Variants in MAP3K5 observed in about 807,000 individuals in gnomAD.
MAP3K5 encodes mitogen-activated protein kinase kinase kinase 5, also known as ASK-1.
MAP3K5 carries 56 observed loss-of-function variants against 158.7 expected under a neutral mutation model. That is an observed-to-expected ratio of 0.35 (90% CI 0.28 to 0.44). MAP3K5 has a LOEUF of 0.44. Among genes scored for constraint, MAP3K5 ranks in the 20% least tolerant of loss-of-function variants. MAP3K5 has a pLI of 1.00. For missense variants in MAP3K5, 1,294 were observed against 1,674.8 expected, an observed-to-expected ratio of 0.77 and a Z score of 3.97; for synonymous variants, 579 against 601.7, an observed-to-expected ratio of 0.96 and a Z score of 0.55.
chr6:136,724,523 C>T (rs533480651), intron 1 of MAP3K5, among the ~76,000 whole-genome samples: 1 of 152,236 alleles, frequency 6.6e-6, no homozygotes, highest in East Asian at 1.9e-4. Context: ...GCTGGGATAA[C>T]AAGCATGAGC....
chr6:136,669,949 G>A (rs555782060), intron 7 of MAP3K5, among the ~76,000 whole-genome samples: 111 of 149,724 alleles, frequency 7.4e-4, no homozygotes, highest in African/African-American at 2.4e-3. Flanking sequence ...TGAGAACCCC[G>A]CACATATTTT....
chr6:136,788,510 A>T (rs1234996525), intron 1 of MAP3K5, among the ~76,000 whole-genome samples: 1 of 152,170 alleles, frequency 6.6e-6, no homozygotes, highest in Non-Finnish European at 1.5e-5. Flanking sequence ...GGGAGAAAAT[A>T]TTCACAAACT....
At chr6:136,739,266 G>C (rs1206276856) in intron 1 of MAP3K5, among the ~76,000 whole-genome samples, 2 of 152,100 alleles carry the variant, frequency 1.3e-5, no homozygotes, top group Admixed American at 1.3e-4. Context: ...CTATGCCTGG[G>C]GTGTAGCTGG....
intron 7 of MAP3K5, among the ~76,000 whole-genome samples, chr6:136,684,028 T>A (rs888072832): frequency 6.6e-6 from 1 of 151,974 alleles, no homozygotes; most frequent in Non-Finnish European, 1.5e-5. Flanking sequence ...CTCCAGGTAT[T>A]TGAGACTAGC....
At chr6:136,622,797 C>T in intron 15 of MAP3K5, 51 bp downstream of exon 15, 1 of 1,581,016 alleles carries the variant, frequency 6.3e-7, no homozygotes, top group Non-Finnish European at 8.6e-7. Flanking sequence ...AAAATACTGT[C>T]AACAACCCAA....
Position 136,648,179 on chromosome 6 carries a change from T to C in MAP3K5, c.1788+2805A>G, listed in dbSNP as rs78649145. On this transcript the variant is annotated intron_variant, in intron 11 of 29. Transcript: ENST00000359015. ...TGGCAAGGAAGTTTTCTGTTATGAA[T>C]AAATTAGTATCACAAGTAACTTTTT... is the stretch of plus-strand genomic sequence containing the variant. 3.2e-4 allele frequency among the ~76,000 whole-genome samples: 49 copies of C among 152,324 alleles called. 1 individual carries two copies. The East Asian group carries it at 9.3e-3, about 29-fold the overall frequency.
rs114739270 is a variant in MAP3K5, at chr6:136,595,302, G to A, written c.2879-2688C>T. ...CTGGCTAATTTTTGTATAGGGTTTC[G>A]CCATGTCGGCCAGGCTGGTCTCAAA... On this transcript the variant is annotated intron_variant, in intron 21 of 29. Coordinates refer to ENST00000359015, the MANE Select transcript of MAP3K5 (RefSeq NM_005923.4). Among the ~76,000 whole-genome samples the A allele has an allele frequency of 7.7e-3, 1,174 of 152,150 alleles. 16 individuals are homozygous for A. The highest frequency in any genetic ancestry group is 0.027 in the African/African-American group (1,131 of 41,494).
chr6:136,758,396 G>A (rs943156689), intron 1 of MAP3K5, among the ~76,000 whole-genome samples: 5 of 152,162 alleles, frequency 3.3e-5, no homozygotes, highest in African/African-American at 1.2e-4. Context: ...AAAACTGAAC[G>A]AAAATGACAA....
intron 14 of MAP3K5, among the ~76,000 whole-genome samples, chr6:136,636,442 G>A (rs1777640820): frequency 6.6e-6 from 1 of 152,206 alleles, no homozygotes; most frequent in Admixed American, 6.5e-5. Context: ...TAAGTCACTT[G>A]GATTCAGAGT....
intron 7 of MAP3K5, among the ~76,000 whole-genome samples, chr6:136,690,732 C>T (rs1412283300): frequency 6.6e-6 from 1 of 152,040 alleles, no homozygotes. Flanking sequence ...TGGTTACATG[C>T]ATTGTTCCCT....
At chr6:136,780,365 A>G (rs1422914064) in intron 1 of MAP3K5, among the ~76,000 whole-genome samples, 3 of 152,190 alleles carry the variant, frequency 2.0e-5, no homozygotes, top group Non-Finnish European at 1.5e-5. Context: ...ATATTAACCA[A>G]CTTTGCATCT....
intron 7 of MAP3K5, among the ~76,000 whole-genome samples, chr6:136,674,139 C>A (rs1420470554): frequency 1.3e-5 from 2 of 151,310 alleles, no homozygotes; most frequent in East Asian, 1.9e-4. Context: ...AAAAAAAAGT[C>A]TAAAAAAGAT....
At position 136,557,568 on chromosome 6, in the gene MAP3K5, A is replaced by G. The variant is rs1830304667; in HGVS notation, c.*190T>C. 2 of 534,392 alleles carry G rather than the reference A, an allele frequency of 3.7e-6. No individual in the cohort carries two copies. The highest frequency in any genetic ancestry group is 5.6e-4 in the Middle Eastern group (2 of 3,584). The allele number at this position is 534,392 out of a possible 1,614,324, so 33.1% of individuals were successfully genotyped here. A position where few individuals can be genotyped will look rare whatever the true frequency, so the allele number is the denominator to read the frequency against. On this transcript the variant is annotated 3_prime_UTR_variant, in exon 30 of 30. Coordinates refer to ENST00000359015, the MANE Select transcript of MAP3K5 (RefSeq NM_005923.4). ...GAGTCCTTATGAAGAGTCCTTAAAAATTATAGAAATAGATGTAGTTAGGAA... is the reference window on the plus strand; with the variant it reads ...GAGTCCTTATGAAGAGTCCTTAAAAGTTATAGAAATAGATGTAGTTAGGAA...
chr6:136,593,451 G>A lies in MAP3K5; in HGVS notation c.2879-837C>T, dbSNP rs1583237420. ...ATCATGCTTGGGTGAGTTGCCACTC[G>A]GGCCCACCATCCATTGCCCAAGCCT... On this transcript the variant is annotated intron_variant, in intron 21 of 29. Coordinates refer to ENST00000359015, the MANE Select transcript of MAP3K5 (RefSeq NM_005923.4). Among the ~76,000 whole-genome samples the A allele has an allele frequency of 2.0e-5, 3 of 152,242 alleles. No homozygotes were observed. In the South Asian group the frequency reaches 6.2e-4, roughly 32 times the overall value.
intron 8 of MAP3K5, among the ~76,000 whole-genome samples, chr6:136,667,821 G>T (rs1339328195): frequency 6.6e-6 from 1 of 151,102 alleles, no homozygotes; most frequent in Admixed American, 6.6e-5. Flanking sequence ...ATTGTGCCCT[G>T]AGCAGCAGAG....
At chr6:136,594,010 T>C (rs1372190319) in intron 21 of MAP3K5, among the ~76,000 whole-genome samples, 52 of 152,178 alleles carry the variant, frequency 3.4e-4, no homozygotes. Context: ...TACTGGTCAG[T>C]AACTGGAAAG....
chr6:136,558,769 T>C (rs762982439), intron 29 of MAP3K5, 31 bp downstream of exon 29: 3 of 1,386,920 alleles, frequency 2.2e-6, no homozygotes, highest in Non-Finnish European at 2.0e-6. Context: ...TGGTGCTCTT[T>C]CCATAGTGAC....
chr6:136,692,152 G>A (rs1256186330), intron 7 of MAP3K5, among the ~76,000 whole-genome samples: 2 of 150,884 alleles, frequency 1.3e-5, no homozygotes, highest in African/African-American at 2.4e-5. Flanking sequence ...AGCCATCTTC[G>A]CACCTCAGCC....
At chr6:136,651,405 C>A (rs753345448) in intron 10 of MAP3K5, among the ~76,000 whole-genome samples, 2 of 152,130 alleles carry the variant, frequency 1.3e-5, no homozygotes, top group Non-Finnish European at 2.9e-5. Flanking sequence ...TTTAAAAAAT[C>A]TTCTATTTTA....
Sources: gnomAD v4.1 joint callset for allele counts (sites outside exome capture counted in the v4.1 genomes callset) on GRCh38, gnomAD v4.1.1 for gene constraint, MANE v1.5 for transcripts, NCBI Gene and HGNC (gene_info 2026-07-23, HGNC 2026-07-21) for gene names.